Variants in CFAP97 observed in about 807,000 individuals in gnomAD.
The protein encoded by CFAP97 is cilia and flagella associated protein 97.
In CFAP97, 36 loss-of-function variants were observed where a neutral mutation model predicts 43.1. The observed-to-expected ratio is 0.84, with a 90% confidence interval of 0.64 to 1.10. CFAP97 has a LOEUF of 1.10. Ranked by LOEUF, CFAP97 falls within the 50% of genes least tolerant of loss-of-function variation. CFAP97 has a pLI of 0.00. For synonymous variants in CFAP97, 228 were observed against 225.7 expected (o/e 1.01, Z -0.09); for missense variants, 657 against 620.3 (o/e 1.06, Z -0.63).
chr4:185,187,228 T>A (rs1736040293), intron 2 of CFAP97, among the ~76,000 whole-genome samples: 1 of 152,202 alleles, frequency 6.6e-6, no homozygotes, highest in Admixed American at 6.5e-5. Context: ...GCAACTGTTA[T>A]AAAATGAAAT....
rs1468466440 is a variant in CFAP97 at position 185,160,377 on chromosome 4, AAT to A, written c.*2419_*2420del. The stretch of plus-strand genomic sequence containing the variant: ...TATATTCAGTACAAGTCAAAAAAAA[AAT>A]AAAATAAAATAGTGCCAGACCATCC... On this transcript the variant is annotated 3_prime_UTR_variant, in exon 5 of 5. Coordinates refer to ENST00000458385, the MANE Select transcript of CFAP97 (RefSeq NM_020827.3). 1 of 151,544 alleles carries A rather than the reference AAT, an allele frequency of 6.6e-6. No homozygotes were observed. The highest frequency in any genetic ancestry group is 2.4e-5 in the African/African-American group (1 of 41,148). 9.4% of individuals were successfully genotyped at this position (151,544 alleles called of 1,614,324 possible).
chr4:185,169,038 G>A (rs1195697241), intron 3 of CFAP97: 1 of 152,174 alleles, frequency 6.6e-6, no homozygotes, highest in Non-Finnish European at 1.5e-5. Flanking sequence ...ATCTCACAGA[G>A]TTACCATTTT....
rs758444994 is a variant in CFAP97, at chr4:185,164,074, A to G, written c.1426T>C (p.Leu476=). ...RNMGYLNSSP[L]SRRARSTLGQ... ...AGAGTGGATCTGGCCCGTCTTGACA[A>G]TGGTGATGAGTTGAGATAGCCCATA... Residue 476 remains leucine (L), a synonymous_variant, in exon 4 of 5, where the codon TTG becomes CTG. Transcript: ENST00000458385. 10 of 1,614,022 alleles carry G rather than the reference A, an allele frequency of 6.2e-6. No individual in the cohort carries two copies. In the South Asian group the frequency reaches 8.8e-5, roughly 14 times the overall value.
chr4:185,176,510 A>G (rs979337763), intron 2 of CFAP97, among the ~76,000 whole-genome samples: 2 of 152,228 alleles, frequency 1.3e-5, no homozygotes, highest in Non-Finnish European at 2.9e-5. Flanking sequence ...ACTTTGTAGA[A>G]AAAAATTGGA....
chr4:185,177,121 G>GGAC (rs1260981234), intron 2 of CFAP97, among the ~76,000 whole-genome samples: 2 of 151,922 alleles, frequency 1.3e-5, no homozygotes, highest in African/African-American at 4.8e-5. Flanking sequence ...TACTAAAAAG[G>GGAC]GACACACTGA....
chr4:185,192,733 C>CTTTTTTTTTTTTTTTTTTTTTTT (rs760026667), intron 1 of CFAP97, among the ~76,000 whole-genome samples: 3 of 81,420 alleles, frequency 3.7e-5, no homozygotes, highest in African/African-American at 5.4e-5. Flanking sequence ...AATTGACCTT[C>CTTTTTTTTTTTTTTTTTTTTTTT]TTTTTTTTTT....
chr4:185,198,982 G>A (rs1243184373), intron 1 of CFAP97, among the ~76,000 whole-genome samples: 1 of 152,152 alleles, frequency 6.6e-6, no homozygotes, highest in Non-Finnish European at 1.5e-5. Flanking sequence ...TCAATACCTG[G>A]TCTCAACACT....
At chr4:185,206,198 C>T (rs1339877307), upstream of CFAP97, among the ~76,000 whole-genome samples, 2 of 152,170 alleles carry the variant, frequency 1.3e-5, no homozygotes, top group East Asian at 1.9e-4. Context: ...CAAACAGATA[C>T]TTATGCACCC....
intron 1 of CFAP97, among the ~76,000 whole-genome samples, chr4:185,194,090 G>A (rs1161877770): frequency 2.0e-5 from 3 of 152,174 alleles, no homozygotes; most frequent in Non-Finnish European, 4.4e-5. Flanking sequence ...ATGGGTATAT[G>A]TATTGTCTCC....
rs750302023 is a variant in CFAP97 at position 185,164,271 on chromosome 4, TTC to T, written c.1321-94_1321-93del. ...TTCTAGAGCCTGACATTCACTTTCT[TTC>T]TTTTTTTTTTTAAGAGACAAGATCT... On this transcript the variant is annotated intron_variant, in intron 3 of 4. Coordinates refer to ENST00000458385, the MANE Select transcript of CFAP97 (RefSeq NM_020827.3). 331 of 1,253,328 alleles carry T rather than the reference TTC, an allele frequency of 2.6e-4. 1 individual carries two copies. The highest frequency in any genetic ancestry group is 3.3e-4 in the Non-Finnish European group (307 of 929,140). 77.6% of individuals were successfully genotyped at this position (1,253,328 alleles called of 1,614,324 possible).
intron 2 of CFAP97, among the ~76,000 whole-genome samples, chr4:185,177,593 G>C (rs1035157925): frequency 6.6e-6 from 1 of 152,140 alleles, no homozygotes; most frequent in African/African-American, 2.4e-5. Flanking sequence ...CCAGCACTCT[G>C]GAAGGCAGGG....
chr4:185,188,184 G>A (rs975477626), intron 2 of CFAP97, among the ~76,000 whole-genome samples: 3 of 151,756 alleles, frequency 2.0e-5, no homozygotes, highest in African/African-American at 4.8e-5. Context: ...CGTGAGCACC[G>A]TGCTCGGCCG....
At chr4:185,167,391 G>A (rs563272390) in intron 3 of CFAP97, among the ~76,000 whole-genome samples, 1 of 152,276 alleles carries the variant, frequency 6.6e-6, no homozygotes, top group South Asian at 2.1e-4. Flanking sequence ...TTGAGTCCAG[G>A]AGGTCGAGGC....
intron 2 of CFAP97, among the ~76,000 whole-genome samples, chr4:185,182,708 G>A (rs757869480): frequency 6.6e-6 from 1 of 152,096 alleles, no homozygotes; most frequent in Non-Finnish European, 1.5e-5. Flanking sequence ...ACACTGTCTC[G>A]TCATTCCATG....
Position 185,161,537 on chromosome 4 carries a change from T to C in CFAP97, c.*1261A>G, listed in dbSNP as rs1734872932. 6.6e-6 allele frequency: 1 copy of C among 152,178 alleles called. No homozygotes were observed. Among genetic ancestry groups the C allele is most frequent in the Non-Finnish European group, 1.5e-5 (1 of 68,030 alleles). The allele number at this position is 152,178 out of a possible 1,614,324, so 9.4% of individuals were successfully genotyped here. On this transcript the variant is annotated 3_prime_UTR_variant, in exon 5 of 5. Coordinates refer to ENST00000458385, the MANE Select transcript of CFAP97 (RefSeq NM_020827.3). Reference sequence around the variant, plus strand: ...TTTAAGGGCATACTGAAAAGGCTAGTAGTGAAAAACGGCGGTAACAATGAG... The same window carrying C: ...TTTAAGGGCATACTGAAAAGGCTAGCAGTGAAAAACGGCGGTAACAATGAG...
chr4:185,196,345 G>A (rs1228300494), intron 1 of CFAP97, among the ~76,000 whole-genome samples: 2 of 151,938 alleles, frequency 1.3e-5, no homozygotes, highest in African/African-American at 2.4e-5. Context: ...GTGGTGGCAC[G>A]TGCCTATAAT....
rs906653009 is a variant in CFAP97 at position 185,197,447 on chromosome 4, A to G, written c.-16-6235T>C. Among the ~76,000 whole-genome samples, 25 of 149,794 alleles carry G rather than the reference A, an allele frequency of 1.7e-4. 1 individual carries two copies. Among genetic ancestry groups the G allele is most frequent in the Non-Finnish European group, 1.0e-4 (7 of 67,696 alleles). On this transcript the variant is annotated intron_variant, in intron 1 of 4. Coordinates refer to ENST00000458385, the MANE Select transcript of CFAP97 (RefSeq NM_020827.3). ...TTTGAATTTTTTTTTTTTTTTTGAGACAGAGTCTCTCTGAGTCTCCCAGGC... is the reference window on the plus strand; with the variant it reads ...TTTGAATTTTTTTTTTTTTTTTGAGGCAGAGTCTCTCTGAGTCTCCCAGGC...
chr4:185,190,266 C>G lies in CFAP97; in HGVS notation c.931G>C (p.Gly311Arg). Residue 311 changes from glycine (G) to arginine (R), a missense_variant, in exon 2 of 5, where the codon GGG (glycine) becomes CGG (arginine). Transcript: ENST00000458385. ...ACATCAGGCTCATGTTTTTCTTTCC[C>G]TTTTTTGGCTGCTTTCAAATATTTT... ...NSKYLKAAKK[G>R]KEKHEPDVSS... 3 of 1,612,668 alleles carry G rather than the reference C, an allele frequency of 1.9e-6. No individual in the cohort carries two copies. The highest frequency in any genetic ancestry group is 2.5e-6 in the Non-Finnish European group (3 of 1,179,132).
Position 185,166,934 on chromosome 4 carries a change from G to A in CFAP97, c.1321-2755C>T, listed in dbSNP as rs997384279. 5.9e-5 allele frequency among the ~76,000 whole-genome samples: 9 copies of A among 152,222 alleles called. No individual in the cohort carries two copies. In the South Asian group the frequency reaches 1.0e-3, roughly 18 times the overall value. On this transcript the variant is annotated intron_variant, in intron 3 of 4. Coordinates refer to ENST00000458385, the MANE Select transcript of CFAP97 (RefSeq NM_020827.3). The stretch of plus-strand genomic sequence containing the variant: ...TGCAGCTCAGGATGGCTTTGAATGC[G>A]GCCCAGCGCAAATTCATTAACTTTC...
Sources: gnomAD v4.1 joint callset for allele counts (sites outside exome capture counted in the v4.1 genomes callset) on GRCh38, gnomAD v4.1.1 for gene constraint, MANE v1.5 for transcripts, NCBI Gene and HGNC (gene_info 2026-07-23, HGNC 2026-07-21) for gene names.